Variants in PREX2 observed in about 807,000 individuals in gnomAD.
PREX2 encodes the protein phosphatidylinositol-3,4,5-trisphosphate dependent Rac exchange factor 2.
A neutral mutation model predicts 203.2 loss-of-function variants in PREX2; 107 were observed. The ratio of observed to expected loss-of-function variants is 0.53; its 90% CI spans 0.45 to 0.62. The LOEUF (loss-of-function observed/expected upper bound fraction) is 0.62. PREX2 is among the 20% of genes least tolerant of loss of function. The pLI is 0.00. For missense variants in PREX2, 1,777 were observed against 1,955.9 expected (o/e 0.91, Z 1.72); for synonymous variants, 672 against 663.6 (o/e 1.01, Z -0.19).
In PREX2 at chr8:68,134,122, C is replaced by T; in HGVS notation, c.3830C>T (p.Ala1277Val). ...CAGACTCTTGTGGCCACTGTCTGTG[C>T]CTTCTCTGAGCAGCTCATGGCGGCC... ...FCQTLVATVC[A>V]FSEQLMAALN... is the part of the protein sequence containing the mutation. Residue 1277 changes from alanine (A) to valine (V), a missense_variant, in exon 32 of 40, where the codon GCC becomes GTC. Ala to Val is a moderately conservative substitution (Grantham distance 64, BLOSUM62 0). Coordinates refer to ENST00000288368, the MANE Select transcript of PREX2 (RefSeq NM_024870.4). 1 of 1,614,060 alleles carries T rather than the reference C, an allele frequency of 6.2e-7. No homozygotes were observed.
intron 18 of PREX2, among the ~76,000 whole-genome samples, chr8:68,085,714 G>T (rs1809665421): frequency 6.6e-6 from 1 of 152,058 alleles, no homozygotes; most frequent in South Asian, 2.1e-4. Flanking sequence ...TTTACTAAGG[G>T]GCTTCCAACA....
chr8:68,105,677 T>C, intron 23 of PREX2: 1 of 273,186 alleles, frequency 3.7e-6, no homozygotes, highest in Non-Finnish European at 4.0e-6. Context: ...CATATATATA[T>C]GGATTATATA....
intron 8 of PREX2, among the ~76,000 whole-genome samples, chr8:68,046,113 C>T (rs565845819): frequency 9.9e-5 from 15 of 152,138 alleles, no homozygotes; most frequent in South Asian, 2.1e-4. Flanking sequence ...GTTGCTTAGG[C>T]GCTTCCTTTA....
intron 1 of PREX2, among the ~76,000 whole-genome samples, chr8:67,973,172 G>A (rs900783977): frequency 4.6e-5 from 7 of 152,030 alleles, no homozygotes; most frequent in Admixed American, 1.3e-4. Context: ...GGGGTGATAC[G>A]GCAATAAAAG....
chr8:68,055,956 C>T lies in PREX2; in HGVS notation c.1220C>T (p.Pro407Leu). 6.2e-7 allele frequency: 1 copy of T among 1,610,922 alleles called. No homozygotes were observed. Among genetic ancestry groups the T allele is most frequent in the South Asian group, 1.1e-5 (1 of 90,120 alleles). The change falls in exon 10 of 40, where the codon CCT (proline) becomes CTT (leucine). Residue 407 changes from proline to leucine, a missense_variant. Pro to Leu is a moderately conservative substitution (Grantham distance 98, BLOSUM62 -3). Transcript: ENST00000288368. ...CGAAAGAGAAAACTGACTACGTTCC[C>T]TAAATGCTTTCTTGGAAGGTAGGGT... is the stretch of plus-strand genomic sequence containing the variant. ...KDRKRKLTTF[P>L]KCFLGSEFVS...
At chr8:68,052,119 CA>C (rs1808542149) in intron 8 of PREX2, among the ~76,000 whole-genome samples, 1 of 152,118 alleles carries the variant, frequency 6.6e-6, no homozygotes, top group Admixed American at 6.6e-5. Context: ...AGCAAAGTGC[CA>C]CAAAGTCATT....
chr8:68,118,346 C>A (rs1339279661), intron 26 of PREX2, among the ~76,000 whole-genome samples: 1 of 148,256 alleles, frequency 6.7e-6, no homozygotes, highest in Non-Finnish European at 1.5e-5. Flanking sequence ...CAGAGCGAAA[C>A]TCCGTCTCCA....
intron 1 of PREX2, among the ~76,000 whole-genome samples, chr8:67,962,668 A>G (rs1037091721): frequency 1.3e-5 from 2 of 151,232 alleles, no homozygotes; most frequent in Non-Finnish European, 2.9e-5. Flanking sequence ...GTGCAGTGGC[A>G]TGATCTCGGC....
chr8:68,175,231 A>C (rs1289629530), intron 35 of PREX2, among the ~76,000 whole-genome samples: 1 of 152,090 alleles, frequency 6.6e-6, no homozygotes, highest in Non-Finnish European at 1.5e-5. Context: ...AGAAAACAAT[A>C]CAATCCAAGG....
At chr8:68,028,764 C>T (rs184305023) in intron 5 of PREX2, among the ~76,000 whole-genome samples, 6 of 151,976 alleles carry the variant, frequency 3.9e-5, no homozygotes, top group African/African-American at 1.4e-4. Context: ...TTTTGGAATC[C>T]CAGGGGATTT....
At chr8:68,026,742 T>C (rs1329638873) in intron 4 of PREX2, among the ~76,000 whole-genome samples, 1 of 152,128 alleles carries the variant, frequency 6.6e-6, no homozygotes, top group Non-Finnish European at 1.5e-5. Context: ...GTCCTATTTA[T>C]GGAGAGGAAA....
intron 11 of PREX2, among the ~76,000 whole-genome samples, chr8:68,061,198 G>A (rs1453923410): frequency 3.3e-5 from 5 of 152,240 alleles, no homozygotes; most frequent in East Asian, 1.9e-4. Context: ...GCACGGTGGC[G>A]GGTGAGTTTG....
chr8:68,052,955 T>C (rs1808564760), intron 8 of PREX2, 142 bp from the exon 9 acceptor site: 1 of 672,014 alleles, frequency 1.5e-6, no homozygotes, highest in Non-Finnish European at 2.5e-6. Flanking sequence ...TAAATGTTTA[T>C]GTTTTTCAAT....
chr8:68,028,655 G>A (rs1807799144), intron 5 of PREX2, among the ~76,000 whole-genome samples: 1 of 152,028 alleles, frequency 6.6e-6, no homozygotes, highest in South Asian at 2.1e-4. Flanking sequence ...AGGGAGTATT[G>A]TTGCAAATGT....
chr8:68,032,131 C>G (rs942835603), intron 6 of PREX2, among the ~76,000 whole-genome samples: 9 of 152,158 alleles, frequency 5.9e-5, no homozygotes, highest in South Asian at 2.1e-4. Context: ...AGCCCACAAC[C>G]GAGGGTGCCT....
chr8:68,011,109 C>A (rs1240142214), intron 1 of PREX2, among the ~76,000 whole-genome samples: 1 of 152,124 alleles, frequency 6.6e-6, no homozygotes, highest in Admixed American at 6.6e-5. Context: ...CAAAAGATAT[C>A]ACTTCTAAGA....
In PREX2 at chr8:67,985,859, T is replaced by C. The variant is rs190962314; in HGVS notation, c.142-31987T>C. Among the ~76,000 whole-genome samples the C allele has an allele frequency of 3.9e-5, 6 of 152,336 alleles. No homozygotes were observed. In the East Asian group the frequency reaches 1.2e-3, roughly 29 times the overall value. Reference sequence around the variant, plus strand: ...CTGCTCCATCCATGCAAGCGACCTGTGTTCCCCACCAGAGCTATCCAGAGT... The same window carrying C: ...CTGCTCCATCCATGCAAGCGACCTGCGTTCCCCACCAGAGCTATCCAGAGT... On this transcript the variant is annotated intron_variant, in intron 1 of 39. Transcript: ENST00000288368.
At chr8:68,001,898 A>G (rs532025192) in intron 1 of PREX2, among the ~76,000 whole-genome samples, 125 of 152,278 alleles carry the variant, frequency 8.2e-4, no homozygotes, top group African/African-American at 3.0e-3. Flanking sequence ...TGATGAGAAC[A>G]CTTGGACACG....
intron 1 of PREX2, among the ~76,000 whole-genome samples, chr8:68,012,763 A>G (rs1009650294): frequency 2.0e-5 from 3 of 152,254 alleles, no homozygotes; most frequent in African/African-American, 7.2e-5. Context: ...CTGTAGGAAC[A>G]AAGTAACATC....
Sources: allele counts gnomAD v4.1 joint callset (sites outside exome capture counted in the v4.1 genomes callset), GRCh38; gene constraint gnomAD v4.1.1; transcripts MANE v1.5; gene names NCBI Gene and HGNC (gene_info 2026-07-23, HGNC 2026-07-21).